RBFOX1: variants seen among roughly 807,000 people sequenced by gnomAD.
RBFOX1 encodes RNA binding protein fox-1 homolog 1.
Under a neutral mutation model 57.7 loss-of-function variants are expected in RBFOX1, and 8 were observed. The observed-to-expected ratio is 0.14, with a 90% CI of 0.08 to 0.25. The LOEUF is 0.25. Ranked by LOEUF, RBFOX1 falls within the 10% of genes least tolerant of loss-of-function variation. The pLI is 1.00. For missense variants in RBFOX1, 611 were observed against 548.5 expected, an observed-to-expected ratio of 1.11 and a Z score of -1.14; for synonymous variants, 326 against 222.4, an observed-to-expected ratio of 1.47 and a Z score of -4.15.
intron 2 of RBFOX1, among the ~76,000 whole-genome samples, chr16:5,516,458 C>G (rs1437043824): frequency 1.3e-5 from 2 of 152,212 alleles, no homozygotes; most frequent in Non-Finnish European, 2.9e-5. Context: ...CTTGACCTCT[C>G]TAAGTCTTGG....
chr16:5,584,459 G>A (rs1387849090), intron 2 of RBFOX1, among the ~76,000 whole-genome samples: 6 of 152,104 alleles, frequency 3.9e-5, no homozygotes, highest in Admixed American at 2.6e-4. Flanking sequence ...GTCTCATTAC[G>A]TCTATTTCTG....
chr16:6,807,839 T>TA (rs997095485), intron 3 of RBFOX1, among the ~76,000 whole-genome samples: 1 of 151,848 alleles, frequency 6.6e-6, no homozygotes, highest in African/African-American at 2.4e-5. Context: ...ATTATATATA[T>TA]AGTTCTATTG....
chr16:7,300,510 C>T (rs1022957361), intron 4 of RBFOX1, among the ~76,000 whole-genome samples: 3 of 152,216 alleles, frequency 2.0e-5, no homozygotes, highest in Non-Finnish European at 4.4e-5. Flanking sequence ...CTTGACGTTG[C>T]CACTGAGCTA....
intron 3 of RBFOX1, among the ~76,000 whole-genome samples, chr16:6,764,869 G>A (rs2077109039): frequency 6.6e-6 from 1 of 152,106 alleles, no homozygotes; most frequent in Admixed American, 6.6e-5. Flanking sequence ...CCCAGAAGGT[G>A]AAGGTTGCAG....
intron 4 of RBFOX1, among the ~76,000 whole-genome samples, chr16:7,151,443 G>C (rs1309647535): frequency 6.6e-6 from 1 of 152,062 alleles, no homozygotes; most frequent in Non-Finnish European, 1.5e-5. Context: ...GTCTTTACTT[G>C]TTCGTCATCC....
chr16:5,584,268 T>A (rs1448726929), intron 2 of RBFOX1, among the ~76,000 whole-genome samples: 25 of 152,342 alleles, frequency 1.6e-4, no homozygotes, highest in Admixed American at 6.5e-5. Flanking sequence ...TCTGTAATAA[T>A]CCGTGTCTCT....
In RBFOX1 at chr16:6,327,481, T is replaced by C. The variant is rs376046070; in HGVS notation, c.-64+10424T>C. Among the ~76,000 whole-genome samples the C allele has an allele frequency of 2.0e-4, 30 of 152,292 alleles. No individual in the cohort carries two copies. In the East Asian group the frequency reaches 5.4e-3, roughly 28 times the overall value. On this transcript the variant is annotated intron_variant, in intron 2 of 15. Transcript: ENST00000550418. The stretch of plus-strand genomic sequence containing the variant: ...TATATTTTTCTAACCCATTTTTTAA[T>C]GGATTTGCTCATTTACAGTCAGTTC...
intron 3 of RBFOX1, among the ~76,000 whole-genome samples, chr16:5,673,787 T>C (rs2050085786): frequency 6.6e-6 from 1 of 152,226 alleles, no homozygotes; most frequent in East Asian, 1.9e-4. Context: ...ATCACTGTAA[T>C]TCTTGGCCTC....
chr16:6,679,439 C>G (rs536099537), intron 3 of RBFOX1, among the ~76,000 whole-genome samples: 1 of 152,020 alleles, frequency 6.6e-6, no homozygotes, highest in African/African-American at 2.4e-5. Context: ...TGCAGTGCCT[C>G]GTTTCTTGGT....
At chr16:7,163,985 A>G (rs928985940) in intron 4 of RBFOX1, among the ~76,000 whole-genome samples, 3 of 152,080 alleles carry the variant, frequency 2.0e-5, no homozygotes, top group African/African-American at 4.8e-5. Context: ...TAATTTCAGC[A>G]GGTTTTTGGA....
intron 4 of RBFOX1, among the ~76,000 whole-genome samples, chr16:7,264,398 G>T (rs2095049206): frequency 6.6e-6 from 1 of 152,184 alleles, no homozygotes; most frequent in Non-Finnish European, 1.5e-5. Flanking sequence ...GTCATCTCCA[G>T]CTTACAACAG....
intron 1 of RBFOX1, among the ~76,000 whole-genome samples, chr16:6,270,070 A>G (rs192392343): frequency 1.3e-5 from 2 of 152,314 alleles, no homozygotes; most frequent in Admixed American, 1.3e-4. Context: ...TGCTAAAAAA[A>G]TCTGTAAAAG....
At chr16:7,343,042 G>A (rs1208705027) in intron 4 of RBFOX1, among the ~76,000 whole-genome samples, 3 of 152,170 alleles carry the variant, frequency 2.0e-5, no homozygotes, top group African/African-American at 7.2e-5. Context: ...GACTTTGTAG[G>A]GGGAAGAGAG....
intron 2 of RBFOX1, among the ~76,000 whole-genome samples, chr16:6,508,837 C>T (rs1233566663): frequency 3.3e-5 from 5 of 150,576 alleles, no homozygotes; most frequent in Admixed American, 1.3e-4. Flanking sequence ...GGTAAAACTG[C>T]GCTTACTTTT....
At chr16:7,109,001 A>C (rs550041184) in intron 4 of RBFOX1, among the ~76,000 whole-genome samples, 1 of 152,176 alleles carries the variant, frequency 6.6e-6, no homozygotes, top group Non-Finnish European at 1.5e-5. Flanking sequence ...GCATTTGTCA[A>C]TGGGATGGAA....
intron 4 of RBFOX1, among the ~76,000 whole-genome samples, chr16:7,154,455 A>C (rs969596854): frequency 2.0e-5 from 3 of 152,216 alleles, no homozygotes; most frequent in African/African-American, 7.2e-5. Context: ...ATCTTTCCTA[A>C]GATTTACCTG....
intron 1 of RBFOX1, among the ~76,000 whole-genome samples, chr16:6,030,062 C>T (rs1349782752): frequency 2.0e-5 from 3 of 152,114 alleles, no homozygotes; most frequent in Admixed American, 2.0e-4. Context: ...AGGCATGTGC[C>T]ACCAAGCCTG....
chr16:5,847,239 G>A (rs1362922681), intron 3 of RBFOX1, among the ~76,000 whole-genome samples: 3 of 152,202 alleles, frequency 2.0e-5, no homozygotes, highest in South Asian at 2.1e-4. Flanking sequence ...GCTGCAGTTG[G>A]TAGAAGTAGG....
At chr16:6,179,477 A>G (rs1188890423) in intron 1 of RBFOX1, among the ~76,000 whole-genome samples, 1 of 152,134 alleles carries the variant, frequency 6.6e-6, no homozygotes, top group Non-Finnish European at 1.5e-5. Flanking sequence ...TGCCTTGAAC[A>G]TAGATCATCT....
Sources: allele counts gnomAD v4.1 joint callset (sites outside exome capture counted in the v4.1 genomes callset), GRCh38; gene constraint gnomAD v4.1.1; transcripts MANE v1.5; gene names NCBI Gene and HGNC (gene_info 2026-07-23, HGNC 2026-07-21).